Variants in FILIP1L observed in about 807,000 individuals in gnomAD.
FILIP1L encodes the protein filamin A-interacting protein 1-like.
FILIP1L carries 55 observed loss-of-function variants against 96.6 expected under a neutral mutation model. That is an observed-to-expected ratio of 0.57 (90% CI 0.46 to 0.71). The LOEUF is 0.71. Ranked by LOEUF, FILIP1L falls within the 30% of genes least tolerant of loss-of-function variation. The pLI is 0.00. For missense variants in FILIP1L, 1,304 were observed against 1,321.2 expected (o/e 0.99, Z 0.20); for synonymous variants, 467 against 473.9 (o/e 0.99, Z 0.19).
At chr3:99,918,183 G>A (rs1024698640) in intron 4 of FILIP1L, among the ~76,000 whole-genome samples, 2 of 152,034 alleles carry the variant, frequency 1.3e-5, no homozygotes, top group African/African-American at 4.8e-5. Context: ...TCACCATTTT[G>A]GCCAGGCTGG....
At chr3:99,848,234 T>C (rs1943458274) in intron 5 of FILIP1L, 61 bp downstream of exon 5, 1 of 1,588,398 alleles carries the variant, frequency 6.3e-7, no homozygotes, top group Non-Finnish European at 8.6e-7. Context: ...TTGAGTTCCT[T>C]GCAAAAATAT....
intron 1 of FILIP1L, among the ~76,000 whole-genome samples, chr3:99,945,407 C>G (rs1365072211): frequency 6.6e-6 from 1 of 152,178 alleles, no homozygotes; most frequent in Non-Finnish European, 1.5e-5. Context: ...GGGGGTTCCA[C>G]CCACTGTGTG....
At chr3:99,892,650 G>C (rs182357987) in intron 4 of FILIP1L, among the ~76,000 whole-genome samples, 2 of 152,274 alleles carry the variant, frequency 1.3e-5, no homozygotes, top group East Asian at 3.9e-4. Flanking sequence ...AGGTGGAGAA[G>C]GTGCCATCTC....
Position 99,929,904 on chromosome 3 carries a change from C to T in FILIP1L, c.378G>A (p.Ala126=), listed in dbSNP as rs200563011. ...TGTCCTCCTGCCAAGGGGTAGATTT[C>T]GCTTGAAAAGCATCTCTCTGGAGAG... ...LEALQRDAFQ[A]KSTPWQEDIY... Residue 126 remains alanine, a synonymous_variant, in exon 3 of 6, where the codon GCG becomes GCA. Transcript: ENST00000477258. The T allele has an allele frequency of 3.6e-5, 58 of 1,613,952 alleles. No individual in the cohort carries two copies. The highest frequency in any genetic ancestry group is 1.4e-4 in the South Asian group (13 of 91,038).
intron 1 of FILIP1L, among the ~76,000 whole-genome samples, chr3:100,063,451 A>T (rs2065608737): frequency 6.6e-6 from 1 of 152,078 alleles, no homozygotes; most frequent in African/African-American, 2.4e-5. Flanking sequence ...TTTTACTGTA[A>T]CTCAGAATGA....
At chr3:99,882,217 A>G (rs1705752119) in intron 4 of FILIP1L, among the ~76,000 whole-genome samples, 1 of 152,232 alleles carries the variant, frequency 6.6e-6, no homozygotes, top group Non-Finnish European at 1.5e-5. Flanking sequence ...TATTTTTATG[A>G]AAATTACATT....
chr3:99,906,821 G>A (rs1243406872), intron 4 of FILIP1L, among the ~76,000 whole-genome samples: 2 of 152,116 alleles, frequency 1.3e-5, no homozygotes, highest in Non-Finnish European at 2.9e-5. Context: ...TAACTTGAAA[G>A]CAAGACACTT....
At chr3:99,835,897 A>G (rs1052248640) in intron 5 of FILIP1L, among the ~76,000 whole-genome samples, 5 of 152,206 alleles carry the variant, frequency 3.3e-5, no homozygotes, top group African/African-American at 1.2e-4. Context: ...GAACAAAGGA[A>G]GAAGAGTATT....
chr3:99,905,593 G>C (rs1337182939), intron 4 of FILIP1L, among the ~76,000 whole-genome samples: 1 of 152,180 alleles, frequency 6.6e-6, no homozygotes, highest in African/African-American at 2.4e-5. Context: ...TAAGCATACA[G>C]ATTGATACAC....
At chr3:99,885,747 T>C (rs919665081) in intron 4 of FILIP1L, among the ~76,000 whole-genome samples, 3 of 152,104 alleles carry the variant, frequency 2.0e-5, no homozygotes, top group African/African-American at 7.2e-5. Flanking sequence ...TCTTCTTCCC[T>C]CCTCTCTGCC....
intron 1 of FILIP1L, among the ~76,000 whole-genome samples, chr3:100,033,332 A>G (rs1408743043): frequency 1.3e-5 from 2 of 152,080 alleles, no homozygotes; most frequent in Non-Finnish European, 2.9e-5. Context: ...CCTCACCTCT[A>G]TCGAGTGGCA....
chr3:99,938,434 G>A (rs1171274717), intron 1 of FILIP1L, among the ~76,000 whole-genome samples: 3 of 152,198 alleles, frequency 2.0e-5, no homozygotes, highest in Non-Finnish European at 4.4e-5. Context: ...GAGTGAGTCT[G>A]TGCTAACTGT....
At chr3:99,950,141 A>G (rs1260212954) in intron 1 of FILIP1L, among the ~76,000 whole-genome samples, 2 of 152,234 alleles carry the variant, frequency 1.3e-5, no homozygotes, top group Non-Finnish European at 2.9e-5. Flanking sequence ...ATAAAGCACA[A>G]GGAGCCACCT....
At chr3:99,892,780 G>C (rs929843955) in intron 4 of FILIP1L, among the ~76,000 whole-genome samples, 1 of 152,196 alleles carries the variant, frequency 6.6e-6, no homozygotes, top group Non-Finnish European at 1.5e-5. Flanking sequence ...CTGCCAAAGG[G>C]AAAGAGAATG....
At chr3:100,042,885 C>G (rs180884837) in intron 1 of FILIP1L, among the ~76,000 whole-genome samples, 1 of 152,196 alleles carries the variant, frequency 6.6e-6, no homozygotes. Flanking sequence ...AGCCAAAGTT[C>G]CCAGACCTTG....
intron 4 of FILIP1L, among the ~76,000 whole-genome samples, chr3:99,875,097 T>C (rs925885848): frequency 1.4e-4 from 21 of 152,238 alleles, no homozygotes; most frequent in African/African-American, 4.8e-4. Context: ...CAGATAAGGA[T>C]TGAATGATGA....
chr3:99,930,914 T>G lies in FILIP1L; in HGVS notation c.107A>C (p.Gln36Pro). The G allele has an allele frequency of 6.2e-7, 1 of 1,613,686 alleles. No individual in the cohort carries two copies. The highest frequency in any genetic ancestry group is 2.2e-5 in the East Asian group (1 of 44,830). ...QGPKNMKHRQ[Q>P]DKDSPSESDV... ...CGACTCACTGGGGGAGTCTTTGTCT[T>G]GCTGTCTATGCTTCATGTTTTTAGG... The change falls in exon 2 of 6, where the codon CAA becomes CCA. Residue 36 changes from glutamine (Q) to proline (P), a missense_variant. By Grantham distance (76) the Gln-to-Pro change is moderately conservative. Coordinates refer to ENST00000477258, the MANE Select transcript of FILIP1L (RefSeq NM_001387850.1).
At chr3:99,897,562 G>C (rs1706298257) in intron 4 of FILIP1L, among the ~76,000 whole-genome samples, 1 of 151,966 alleles carries the variant, frequency 6.6e-6, no homozygotes, top group Non-Finnish European at 1.5e-5. Context: ...ATTCTCTAAG[G>C]CTTAATATTA....
intron 1 of FILIP1L, chr3:100,025,325 A>G (rs1227606328): frequency 1.3e-5 from 2 of 152,162 alleles, no homozygotes; most frequent in African/African-American, 2.4e-5. Context: ...TTAGGTTTGT[A>G]TTTATTTGAT....
Sources: gnomAD v4.1 joint callset for allele counts (sites outside exome capture counted in the v4.1 genomes callset) on GRCh38, gnomAD v4.1.1 for gene constraint, MANE v1.5 for transcripts, NCBI Gene and HGNC (gene_info 2026-07-23, HGNC 2026-07-21) for gene names.